Variants in AGBL1 observed in about 807,000 individuals in gnomAD.
AGBL1 encodes AGBL carboxypeptidase 1, also known as cytosolic carboxypeptidase 4.
AGBL1 carries 130 observed loss-of-function variants against 118.9 expected under a neutral mutation model. The ratio of observed to expected loss-of-function variants is 1.09; its 90% CI spans 0.95 to 1.26. The LOEUF is 1.26. Among genes scored for constraint, AGBL1 ranks in the 50% most tolerant of loss-of-function variants. AGBL1 has a pLI of 0.00. For missense variants in AGBL1, 1,584 were observed against 1,298.1 expected (o/e 1.22, Z -3.38); for synonymous variants, 555 against 478.9 (o/e 1.16, Z -2.08).
At chr15:86,966,550 C>A (rs2081055093) in intron 23 of AGBL1, among the ~76,000 whole-genome samples, 1 of 152,066 alleles carries the variant, frequency 6.6e-6, no homozygotes, top group Non-Finnish European at 1.5e-5. Flanking sequence ...TGTTCACTTC[C>A]CACCTATGAG....
intron 1 of AGBL1, among the ~76,000 whole-genome samples, chr15:86,140,714 G>A (rs2076951864): frequency 6.6e-6 from 1 of 152,122 alleles, no homozygotes; most frequent in Non-Finnish European, 1.5e-5. Flanking sequence ...CTTGAAGGAT[G>A]AGCTGGCATT....
At chr15:86,331,205 C>T (rs1281108559) in intron 17 of AGBL1, among the ~76,000 whole-genome samples, 2 of 124,070 alleles carry the variant, frequency 1.6e-5, no homozygotes, top group Non-Finnish European at 3.2e-5. Context: ...GCCTGGGTGA[C>T]AGAGTGAGAC....
intron 24 of AGBL1, among the ~76,000 whole-genome samples, chr15:87,015,118 G>A (rs1329742603): frequency 6.6e-6 from 1 of 152,098 alleles, no homozygotes; most frequent in Non-Finnish European, 1.5e-5. Flanking sequence ...TTGGACATCA[G>A]AAATCCAGGT....
intron 17 of AGBL1, among the ~76,000 whole-genome samples, chr15:86,397,048 A>G (rs1172356743): frequency 6.6e-6 from 1 of 152,162 alleles, no homozygotes; most frequent in Non-Finnish European, 1.5e-5. Flanking sequence ...AAGATAGAAA[A>G]TGGGTAAATG....
intron 17 of AGBL1, chr15:86,296,429 C>T (rs2079642924): frequency 6.7e-6 from 1 of 148,902 alleles, no homozygotes; most frequent in Non-Finnish European, 1.5e-5. Flanking sequence ...GAAGACATAG[C>T]CTTCCCTGGT....
rs527248333 is a variant in AGBL1 at position 86,597,965 on chromosome 15, C to T, written c.2994+43428C>T. Among the ~76,000 whole-genome samples the T allele has an allele frequency of 3.9e-5, 6 of 152,216 alleles. No homozygotes were observed. The East Asian group carries it at 1.2e-3, about 29-fold the overall frequency. ...TGCCATTGTTGATAGTCCTGATCAT[C>T]CTGAGCTGACTGATTTGGAGGTTGT... On this transcript the variant is annotated intron_variant, in intron 21 of 22. Coordinates refer to ENST00000614907, the MANE Select transcript of AGBL1 (RefSeq NM_001386094.1).
chr15:86,394,643 C>G (rs1056198296), intron 17 of AGBL1, among the ~76,000 whole-genome samples: 19 of 152,080 alleles, frequency 1.2e-4, no homozygotes, highest in South Asian at 2.1e-4. Context: ...TGCCAAGAAC[C>G]CTGGCTCCCT....
chr15:86,629,742 GA>G (rs147469297), intron 21 of AGBL1, among the ~76,000 whole-genome samples: 1 of 151,406 alleles, frequency 6.6e-6, no homozygotes, highest in African/African-American at 2.4e-5. Context: ...AAAGAAACAG[GA>G]AAAAAAACCC....
At chr15:86,422,898 G>A (rs1389226483) in intron 18 of AGBL1, among the ~76,000 whole-genome samples, 1 of 151,806 alleles carries the variant, frequency 6.6e-6, no homozygotes, top group East Asian at 1.9e-4. Context: ...AAACCAGGAA[G>A]AAGTCGAATA....
chr15:86,125,208 A>G (rs1898343607), intron 1 of AGBL1, among the ~76,000 whole-genome samples: 1 of 152,202 alleles, frequency 6.6e-6, no homozygotes, highest in Non-Finnish European at 1.5e-5. Context: ...GGTTTTTGAA[A>G]GAGGTTTCCA....
intron 22 of AGBL1, among the ~76,000 whole-genome samples, chr15:86,785,360 C>CTT (rs891818403): frequency 0.079 from 7,802 of 98,270 alleles, 547 homozygotes; most frequent in Non-Finnish European, 0.11. Flanking sequence ...TCTGCGGGTT[C>CTT]TTTTTTTTTT....
At chr15:86,984,272 T>G (rs1360837894) in intron 23 of AGBL1, among the ~76,000 whole-genome samples, 1 of 152,130 alleles carries the variant, frequency 6.6e-6, no homozygotes, top group African/African-American at 2.4e-5. Context: ...TTTTATGTAT[T>G]TATTGATCAT....
At chr15:86,190,063 C>A (rs1471134341) in intron 5 of AGBL1, among the ~76,000 whole-genome samples, 8 of 152,074 alleles carry the variant, frequency 5.3e-5, no homozygotes, top group Admixed American at 5.2e-4. Flanking sequence ...TATAATTTTC[C>A]TATGTCTCAA....
intron 17 of AGBL1, among the ~76,000 whole-genome samples, chr15:86,333,184 TCAGAA>T (rs1184495298): frequency 3.3e-5 from 5 of 151,568 alleles, no homozygotes; most frequent in Non-Finnish European, 2.9e-5. Context: ...AATAAATAAA[TCAGAA>T]AAGAACTGAA....
chr15:87,031,389 G>A (rs533853642), downstream of AGBL1, among the ~76,000 whole-genome samples: 1 of 151,816 alleles, frequency 6.6e-6, no homozygotes, highest in African/African-American at 2.4e-5. Flanking sequence ...TAAATATGTG[G>A]CTCCCTTATT....
intron 18 of AGBL1, among the ~76,000 whole-genome samples, chr15:86,488,212 T>C (rs1435039857): frequency 2.6e-5 from 4 of 151,842 alleles, no homozygotes; most frequent in African/African-American, 9.7e-5. Context: ...GACGTATAGG[T>C]CTCTAATTGC....
chr15:86,567,104 T>C (rs1422171667), intron 21 of AGBL1, among the ~76,000 whole-genome samples: 1 of 152,234 alleles, frequency 6.6e-6, no homozygotes, highest in Non-Finnish European at 1.5e-5. Context: ...ATGGTGGTTT[T>C]CTTTTTCTAT....
Position 86,189,992 on chromosome 15 carries a change from G to A in AGBL1, c.488+30966G>A, listed in dbSNP as rs576824685. Among the ~76,000 whole-genome samples the A allele has an allele frequency of 2.3e-4, 35 of 152,254 alleles. 1 individual carries two copies. The South Asian group carries it at 6.2e-3, about 27-fold the overall frequency. On this transcript the variant is annotated intron_variant, in intron 5 of 22. Transcript: ENST00000614907. ...ATATAGTTTTGCCTACATAAAAGAAGGATGTCCTAAAGGGTGCAGGCATTT... is the reference window on the plus strand; with the variant it reads ...ATATAGTTTTGCCTACATAAAAGAAAGATGTCCTAAAGGGTGCAGGCATTT...
intron 22 of AGBL1, among the ~76,000 whole-genome samples, chr15:86,721,360 A>G (rs2086717423): frequency 6.6e-6 from 1 of 152,202 alleles, no homozygotes; most frequent in Non-Finnish European, 1.5e-5. Flanking sequence ...CAAATCAATA[A>G]ACATAATCCA....
Sources: allele counts gnomAD v4.1 joint callset (sites outside exome capture counted in the v4.1 genomes callset), GRCh38; gene constraint gnomAD v4.1.1; transcripts MANE v1.5; gene names NCBI Gene and HGNC (gene_info 2026-07-23, HGNC 2026-07-21).